The following SCFD1 variants were observed in gnomAD, a reference collection of about 807,000 sequenced individuals.
The protein encoded by SCFD1 is sec1 family domain-containing protein 1.
SCFD1 carries 37 observed loss-of-function variants against 103.2 expected under a neutral mutation model. The ratio of observed to expected loss-of-function variants is 0.36; its 90% confidence interval spans 0.28 to 0.47. The LOEUF is 0.47. Among genes scored for constraint, SCFD1 ranks in the 20% least tolerant of loss-of-function variants. The probability of loss-of-function intolerance (pLI) is 1.00; values close to 1 mark genes in which losing one functional copy is unlikely to be tolerated. For missense variants in SCFD1, 639 were observed against 761.2 expected, an observed-to-expected ratio of 0.84 and a Z score of 1.89; for synonymous variants, 264 against 245.0, an observed-to-expected ratio of 1.08 and a Z score of -0.73.
intron 14 of SCFD1, among the ~76,000 whole-genome samples, chr14:30,690,218 G>A (rs370103515): frequency 0.29 from 1,458 of 5,036 alleles, 223 homozygotes; most frequent in Admixed American, 0.34. Flanking sequence ...CTTCAAAGCT[G>A]TCAGACAGGG....
chr14:30,704,928 CAG>C (rs1891366984), intron 17 of SCFD1, among the ~76,000 whole-genome samples: 1 of 152,134 alleles, frequency 6.6e-6, no homozygotes, highest in Non-Finnish European at 1.5e-5. Context: ...AACATCTTAA[CAG>C]GGGTTACCTC....
chr14:30,649,409 G>A (rs554423925), intron 7 of SCFD1, 119 bp from the exon 8 acceptor site: 7 of 663,968 alleles, frequency 1.1e-5, no homozygotes, highest in East Asian at 3.1e-5. Flanking sequence ...ACATAAAATC[G>A]TGTGTAACGT....
At chr14:30,731,148 A>G (rs186710790) in intron 23 of SCFD1, among the ~76,000 whole-genome samples, 9 of 152,298 alleles carry the variant, frequency 5.9e-5, no homozygotes, top group Non-Finnish European at 1.2e-4. Flanking sequence ...TTTGTCAAAG[A>G]TCAGATGGTT....
At chr14:30,632,918 T>TACTTGCC (rs1480588340) in intron 3 of SCFD1, among the ~76,000 whole-genome samples, 1 of 152,232 alleles carries the variant, frequency 6.6e-6, no homozygotes, top group African/African-American at 2.4e-5. Context: ...CCTAACTTGC[T>TACTTGCC]ACTTGCCACC....
At chr14:30,641,480 A>T (rs1026473566) in intron 6 of SCFD1, among the ~76,000 whole-genome samples, 44 of 152,168 alleles carry the variant, frequency 2.9e-4, no homozygotes, top group African/African-American at 1.1e-3. Context: ...TTCCATGTAG[A>T]TTTTTCTAGT....
intron 17 of SCFD1, among the ~76,000 whole-genome samples, chr14:30,703,970 G>T (rs868572507): frequency 1.0e-3 from 92 of 91,246 alleles, no homozygotes; most frequent in African/African-American, 3.3e-3. Flanking sequence ...TATAAATAAT[G>T]AGATATCTTG....
intron 15 of SCFD1, among the ~76,000 whole-genome samples, chr14:30,695,308 C>G (rs1440620638): frequency 6.6e-6 from 1 of 152,088 alleles, no homozygotes; most frequent in African/African-American, 2.4e-5. Context: ...AACTCTATGG[C>G]CAATCACTTT....
chr14:30,640,535 TCTTTA>T (rs1323271554), intron 6 of SCFD1, among the ~76,000 whole-genome samples: 3 of 152,264 alleles, frequency 2.0e-5, no homozygotes, highest in East Asian at 1.9e-4. Flanking sequence ...AAAACAAGCA[TCTTTA>T]CTTTATTCTT....
At chr14:30,643,874 T>C (rs745523435) in intron 7 of SCFD1, 2 of 438,064 alleles carry the variant, frequency 4.6e-6, no homozygotes, top group Non-Finnish European at 4.5e-6. Context: ...TCAACTTTTA[T>C]TTTAGGTTTG....
intron 22 of SCFD1, 47 bp downstream of exon 22, chr14:30,721,964 A>G: frequency 7.2e-7 from 1 of 1,390,860 alleles, no homozygotes; most frequent in Non-Finnish European, 1.0e-6. Context: ...GGAAGATGAA[A>G]GGTGACCAAT....
chr14:30,650,728 A>T (rs1886324124), intron 9 of SCFD1, 78 bp downstream of exon 9: 1 of 808,354 alleles, frequency 1.2e-6, no homozygotes, highest in Non-Finnish European at 2.0e-6. Flanking sequence ...TGGCTGATAG[A>T]ATATCCTTGT....
At chr14:30,735,231 C>T (rs985568441) in intron 24 of SCFD1, 5 of 294,384 alleles carry the variant, frequency 1.7e-5, no homozygotes, top group Admixed American at 4.9e-5. Flanking sequence ...TTGAACGTTA[C>T]CTAATAATGT....
intron 14 of SCFD1, among the ~76,000 whole-genome samples, chr14:30,681,861 G>A (rs1354843449): frequency 6.6e-6 from 1 of 152,094 alleles, no homozygotes; most frequent in Admixed American, 6.6e-5. Flanking sequence ...GTTTCGTATA[G>A]CAACTTTCAT....
intron 2 of SCFD1, 46 bp downstream of exon 2, chr14:30,628,325 C>T (rs754026069): frequency 1.0e-5 from 13 of 1,276,812 alleles, no homozygotes; most frequent in Admixed American, 2.0e-5. Context: ...TTTCTCAGCC[C>T]TTATTGGTGG....
rs192395195 is a variant in SCFD1, at chr14:30,632,002, C to T, written c.221+1437C>T. Among the ~76,000 whole-genome samples the T allele has an allele frequency of 6.4e-4, 81 of 126,946 alleles. No individual in the cohort carries two copies. In the Middle Eastern group the frequency reaches 0.02, roughly 31 times the overall value. The allele number at this position is 126,946 out of a possible 152,430, so 83.3% of individuals were successfully genotyped here. A position where few individuals can be genotyped will look rare whatever the true frequency, so the allele number is the denominator to read the frequency against. The stretch of plus-strand genomic sequence containing the variant: ...GGCAGAGGTTGTAGTGAACCGAGAT[C>T]GTGACACTACACTCTGGCCTGGGCA... On this transcript the variant is annotated intron_variant, in intron 3 of 24. Coordinates refer to ENST00000458591, the MANE Select transcript of SCFD1 (RefSeq NM_016106.4).
intron 10 of SCFD1, among the ~76,000 whole-genome samples, chr14:30,654,368 C>T (rs1325046576): frequency 6.6e-6 from 1 of 152,184 alleles, no homozygotes; most frequent in East Asian, 1.9e-4. Flanking sequence ...GACTGCCCAA[C>T]ATGTCATATA....
chr14:30,728,244 T>C (rs144359273), intron 23 of SCFD1, among the ~76,000 whole-genome samples: 33 of 152,354 alleles, frequency 2.2e-4, no homozygotes, highest in African/African-American at 7.7e-4. Context: ...ACTCTGTCTC[T>C]CATTACCACT....
In SCFD1 at chr14:30,643,033, C is replaced by T. The variant is rs1885441949; in HGVS notation, c.524-283C>T. Among the ~76,000 whole-genome samples the T allele has an allele frequency of 2.0e-5, 3 of 151,760 alleles. No individual in the cohort carries two copies. In the East Asian group the frequency reaches 5.8e-4, roughly 29 times the overall value. ...AAAAAAAATTGTTTAATTAGCCGGG[C>T]GTGGTGGCATGTGCCTGTGGTCCCA... On this transcript the variant is annotated intron_variant, in intron 6 of 24. Coordinates refer to ENST00000458591, the MANE Select transcript of SCFD1 (RefSeq NM_016106.4).
intron 23 of SCFD1, among the ~76,000 whole-genome samples, chr14:30,724,256 T>G (rs1273580739): frequency 4.4e-5 from 6 of 134,868 alleles, no homozygotes; most frequent in African/African-American, 1.4e-4. Context: ...TTTTTTTTTT[T>G]TTTTTTTTTT....
Sources: allele counts gnomAD v4.1 joint callset (sites outside exome capture counted in the v4.1 genomes callset), GRCh38; gene constraint gnomAD v4.1.1; transcripts MANE v1.5; gene names NCBI Gene and HGNC (gene_info 2026-07-23, HGNC 2026-07-21).